MARCHF1: variants seen among roughly 807,000 people sequenced by gnomAD.
MARCHF1 encodes membrane associated ring-CH-type finger 1.
A neutral mutation model predicts 54.2 loss-of-function variants in MARCHF1; 40 were observed. That is an observed-to-expected ratio of 0.74 (90% CI 0.57 to 0.96). The LOEUF (loss-of-function observed/expected upper bound fraction) is 0.96, where lower values mean the gene tolerates loss of function less well. MARCHF1 is among the 40% of genes least tolerant of loss of function. The pLI is 0.00. For synonymous variants in MARCHF1, 236 were observed against 236.3 expected, an observed-to-expected ratio of 1.00 and a Z score of 0.01; for missense variants, 586 against 656.5, an observed-to-expected ratio of 0.89 and a Z score of 1.17.
chr4:164,096,407 G>A (rs1414937980), intron 2 of MARCHF1, among the ~76,000 whole-genome samples: 2 of 151,994 alleles, frequency 1.3e-5, no homozygotes, highest in South Asian at 4.1e-4. Context: ...AGACACTGGA[G>A]TCTTCAAAAG....
At chr4:163,605,062 C>CA (rs1445808473) in intron 7 of MARCHF1, among the ~76,000 whole-genome samples, 1 of 151,844 alleles carries the variant, frequency 6.6e-6, no homozygotes, top group Non-Finnish European at 1.5e-5. Context: ...AGAACAAATT[C>CA]AAAAATAAAT....
At chr4:163,733,211 A>G (rs1360600860) in intron 4 of MARCHF1, among the ~76,000 whole-genome samples, 2 of 42,144 alleles carry the variant, frequency 4.7e-5, no homozygotes, top group Non-Finnish European at 6.4e-5. Flanking sequence ...ATATATATAT[A>G]TATATATATA....
intron 4 of MARCHF1, among the ~76,000 whole-genome samples, chr4:163,821,141 T>C (rs954931757): frequency 6.6e-6 from 1 of 152,036 alleles, no homozygotes; most frequent in African/African-American, 2.4e-5. Context: ...ATAGTATGCA[T>C]ACCCTTGCAC....
At chr4:164,207,816 C>T (rs777716687) in intron 1 of MARCHF1, among the ~76,000 whole-genome samples, 4 of 152,108 alleles carry the variant, frequency 2.6e-5, no homozygotes, top group South Asian at 2.1e-4. Flanking sequence ...TGGGGCCTTT[C>T]GGAGGGTGGA....
intron 4 of MARCHF1, among the ~76,000 whole-genome samples, chr4:163,723,680 T>C (rs1002002906): frequency 6.6e-6 from 1 of 152,220 alleles, no homozygotes; most frequent in African/African-American, 2.4e-5. Context: ...GTAGATTTGG[T>C]CTTTTCACAT....
chr4:164,046,774 A>C (rs1051177109), intron 2 of MARCHF1, among the ~76,000 whole-genome samples: 5 of 152,210 alleles, frequency 3.3e-5, no homozygotes, highest in Non-Finnish European at 7.4e-5. Context: ...AACTGTAGAA[A>C]TATGATCACC....
intron 1 of MARCHF1, among the ~76,000 whole-genome samples, chr4:164,292,604 A>C (rs74508584): frequency 0.017 from 2,621 of 152,278 alleles, 91 homozygotes; most frequent in African/African-American, 0.059. Context: ...TTAACAACAA[A>C]ATCTATTCAT....
chr4:163,904,586 T>TA (rs1408629456), intron 3 of MARCHF1, among the ~76,000 whole-genome samples: 27 of 152,302 alleles, frequency 1.8e-4, no homozygotes, highest in African/African-American at 6.5e-4. Context: ...AATCCATACT[T>TA]AGAGATTTAG....
At chr4:163,841,853 G>A (rs1017675128) in intron 4 of MARCHF1, among the ~76,000 whole-genome samples, 2 of 151,984 alleles carry the variant, frequency 1.3e-5, no homozygotes, top group African/African-American at 4.8e-5. Flanking sequence ...ATTCCTGTAG[G>A]CTGCATCAAA....
At chr4:163,917,285 A>G (rs1290852019) in intron 3 of MARCHF1, among the ~76,000 whole-genome samples, 2 of 152,142 alleles carry the variant, frequency 1.3e-5, no homozygotes, top group Admixed American at 6.6e-5. Flanking sequence ...GGTTTATTTT[A>G]TGGTGAAGTA....
At chr4:163,982,333 G>A (rs567756871) in intron 3 of MARCHF1, among the ~76,000 whole-genome samples, 1 of 152,302 alleles carries the variant, frequency 6.6e-6, no homozygotes, top group East Asian at 1.9e-4. Flanking sequence ...TGCTAAAAAT[G>A]CATTTCATTT....
intron 1 of MARCHF1, among the ~76,000 whole-genome samples, chr4:164,140,925 C>CA (rs1756517604): frequency 6.6e-6 from 1 of 152,200 alleles, no homozygotes; most frequent in Non-Finnish European, 1.5e-5. Context: ...GACAGTGCTG[C>CA]AGGAGGTCTC....
intron 2 of MARCHF1, among the ~76,000 whole-genome samples, chr4:164,032,317 T>C (rs931239311): frequency 2.0e-5 from 3 of 152,174 alleles, no homozygotes; most frequent in Non-Finnish European, 4.4e-5. Flanking sequence ...GAAGAGTTTT[T>C]CATGTTACTA....
In MARCHF1 at chr4:163,612,928, G is replaced by C. The variant is rs1376334612; in HGVS notation, c.353C>G (p.Pro118Arg). ...ESGKKSVIQR[P>R]RRRRKASERY... Reference sequence around the variant, plus strand: ...CTCAGAGGCTTTTCTCCTCCTCCTAGGTCTTTGTATTACTGATTTCTTACC... The same window carrying C: ...CTCAGAGGCTTTTCTCCTCCTCCTACGTCTTTGTATTACTGATTTCTTACC... The change falls in exon 7 of 10, where the codon CCT becomes CGT. Residue 118 changes from proline (P) to arginine (R), a missense_variant. Coordinates refer to ENST00000514618, the MANE Select transcript of MARCHF1 (RefSeq NM_001394959.1). 1.3e-6 allele frequency: 2 copies of C among 1,535,284 alleles called. No homozygotes were observed. Among genetic ancestry groups the C allele is most frequent in the Admixed American group, 2.0e-5 (1 of 50,940 alleles).
At chr4:163,796,221 GTTT>G (rs36039503) in intron 4 of MARCHF1, among the ~76,000 whole-genome samples, 1 of 82,230 alleles carries the variant, frequency 1.2e-5, no homozygotes, top group East Asian at 3.7e-4. Context: ...GAAACTTCTA[GTTT>G]TTTTTTTTTT....
At chr4:164,282,566 C>T (rs1734051684) in intron 1 of MARCHF1, among the ~76,000 whole-genome samples, 1 of 151,118 alleles carries the variant, frequency 6.6e-6, no homozygotes, top group Admixed American at 6.7e-5. Flanking sequence ...ATTATAAACA[C>T]TCCCTTACCA....
chr4:164,112,824 A>G (rs1293131067), intron 1 of MARCHF1, among the ~76,000 whole-genome samples: 2 of 151,906 alleles, frequency 1.3e-5, no homozygotes, highest in African/African-American at 4.8e-5. Context: ...AACCATGAAA[A>G]TTTCCATTAA....
chr4:163,781,017 T>C (rs1747449304), intron 4 of MARCHF1, among the ~76,000 whole-genome samples: 1 of 152,170 alleles, frequency 6.6e-6, no homozygotes, highest in African/African-American at 2.4e-5. Flanking sequence ...AATGTAAGTC[T>C]TGACTGTTGG....
At chr4:164,329,766 T>A (rs1735377976) in intron 1 of MARCHF1, among the ~76,000 whole-genome samples, 1 of 152,078 alleles carries the variant, frequency 6.6e-6, no homozygotes, top group Admixed American at 6.5e-5. Context: ...CCACACACTT[T>A]TAAATGACCA....
Sources: gnomAD v4.1 joint callset for allele counts (sites outside exome capture counted in the v4.1 genomes callset) on GRCh38, gnomAD v4.1.1 for gene constraint, MANE v1.5 for transcripts, NCBI Gene and HGNC (gene_info 2026-07-23, HGNC 2026-07-21) for gene names.